The following KCNB2 variants were observed in gnomAD, a reference collection of about 807,000 sequenced individuals.
The protein encoded by KCNB2 is delayed rectifier potassium channel protein.
Under a neutral mutation model 61.5 loss-of-function variants are expected in KCNB2, and 15 were observed. The ratio of observed to expected loss-of-function variants is 0.24; its 90% confidence interval spans 0.16 to 0.38. The LOEUF (loss-of-function observed/expected upper bound fraction) is 0.38, where lower values mean the gene tolerates loss of function less well. KCNB2 is among the 10% of genes least tolerant of loss of function. The pLI, the probability that KCNB2 is intolerant of heterozygous loss-of-function variation, is 1.00. For synonymous variants in KCNB2, 457 were observed against 446.0 expected, an observed-to-expected ratio of 1.02 and a Z score of -0.31; for missense variants, 828 against 1,125.2, an observed-to-expected ratio of 0.74 and a Z score of 3.78.
intron 2 of KCNB2, among the ~76,000 whole-genome samples, chr8:72,928,262 G>A (rs184801663): frequency 2.1e-4 from 31 of 148,528 alleles, no homozygotes; most frequent in Admixed American, 1.5e-3. Context: ...ACGCAATCTC[G>A]GCTCACTGCA....
intron 2 of KCNB2, among the ~76,000 whole-genome samples, chr8:72,625,119 G>A (rs1805770233): frequency 1.3e-5 from 2 of 152,156 alleles, no homozygotes; most frequent in South Asian, 4.1e-4. Context: ...GTGAAGCCGT[G>A]TCCAGACTCC....
At chr8:72,743,855 A>C (rs1003573364) in intron 2 of KCNB2, among the ~76,000 whole-genome samples, 2 of 151,684 alleles carry the variant, frequency 1.3e-5, no homozygotes, top group African/African-American at 2.4e-5. Context: ...CCTTAGAAAA[A>C]TATGAGAAAA....
chr8:72,759,191 A>C (rs951127315), intron 2 of KCNB2, among the ~76,000 whole-genome samples: 3 of 152,158 alleles, frequency 2.0e-5, no homozygotes, highest in Non-Finnish European at 4.4e-5. Flanking sequence ...AAGGATGTGA[A>C]TCTTTTCTGT....
intron 2 of KCNB2, among the ~76,000 whole-genome samples, chr8:72,600,093 G>T (rs1051625918): frequency 2.6e-5 from 4 of 152,190 alleles, no homozygotes; most frequent in Non-Finnish European, 5.9e-5. Context: ...CCATTATGGG[G>T]TATACACCCA....
At chr8:72,643,756 G>A (rs747798669) in intron 2 of KCNB2, among the ~76,000 whole-genome samples, 1 of 152,018 alleles carries the variant, frequency 6.6e-6, no homozygotes, top group Non-Finnish European at 1.5e-5. Context: ...GAAGACTACT[G>A]GACTTATACA....
chr8:72,655,494 G>A (rs1394583231), intron 2 of KCNB2, among the ~76,000 whole-genome samples: 1 of 152,030 alleles, frequency 6.6e-6, no homozygotes, highest in Non-Finnish European at 1.5e-5. Context: ...CAGAGCAAGG[G>A]ATTCAATGTC....
intron 2 of KCNB2, among the ~76,000 whole-genome samples, chr8:72,620,051 C>T (rs1212187553): frequency 6.6e-6 from 1 of 152,120 alleles, no homozygotes; most frequent in African/African-American, 2.4e-5. Context: ...TTGCATGCTG[C>T]AATAATATTT....
rs1256083803 is a variant in KCNB2, at chr8:72,937,475, G to A, written c.2120G>A (p.Ser707Asn). Residue 707 changes from serine (S) to asparagine (N), a missense_variant, in exon 3 of 3, where the codon AGC becomes AAC. Coordinates refer to ENST00000523207, the MANE Select transcript of KCNB2 (RefSeq NM_004770.3). ...TDSPKSSLKG[S>N]NPLKSRSLKV... Reference sequence around the variant, plus strand: ...AGTCCTAAGAGCTCTCTAAAAGGCAGCAACCCACTAAAGTCCAGATCCCTC... The same window carrying A: ...AGTCCTAAGAGCTCTCTAAAAGGCAACAACCCACTAAAGTCCAGATCCCTC... 1 of 1,613,952 alleles carries A rather than the reference G, an allele frequency of 6.2e-7. No individual in the cohort carries two copies. Among genetic ancestry groups the A allele is most frequent in the Non-Finnish European group, 8.5e-7 (1 of 1,180,000 alleles).
chr8:72,765,563 C>T (rs1196558471), intron 2 of KCNB2, among the ~76,000 whole-genome samples: 3 of 152,124 alleles, frequency 2.0e-5, no homozygotes, highest in Non-Finnish European at 2.9e-5. Flanking sequence ...GTGTTGTCAG[C>T]AATTTTGAGG....
intron 2 of KCNB2, among the ~76,000 whole-genome samples, chr8:72,586,480 G>A (rs2128981014): frequency 6.6e-6 from 1 of 152,260 alleles, no homozygotes; most frequent in Non-Finnish European, 1.5e-5. Context: ...CAGAGGGGGA[G>A]AAAAGAAAAA....
chr8:72,643,291 G>A (rs1806083270), intron 2 of KCNB2, among the ~76,000 whole-genome samples: 1 of 152,172 alleles, frequency 6.6e-6, no homozygotes, highest in Non-Finnish European at 1.5e-5. Context: ...ACATCAGCAT[G>A]TGTCACTGAG....
Position 72,910,003 on chromosome 8 carries a change from C to G in KCNB2, c.580-25932C>G, listed in dbSNP as rs1006079057. ...AGCTAAGGAGAGAGATCCCAATCAT[C>G]TGTGTGACTCCTCTTGTTGGTAGTC... is the stretch of plus-strand genomic sequence containing the variant. On this transcript the variant is annotated intron_variant, in intron 2 of 2. Transcript: ENST00000523207. 2.6e-5 allele frequency among the ~76,000 whole-genome samples: 4 copies of G among 152,146 alleles called. No homozygotes were observed. In the East Asian group the frequency reaches 7.7e-4, roughly 29 times the overall value.
chr8:72,882,680 T>A (rs72653530), intron 2 of KCNB2, among the ~76,000 whole-genome samples: 7,082 of 151,562 alleles, frequency 0.047, 206 homozygotes, highest in South Asian at 0.095. Context: ...GATGATGGTC[T>A]GCTAGCAGAA....
chr8:72,884,181 A>G (rs1474032141), intron 2 of KCNB2, among the ~76,000 whole-genome samples: 2 of 152,118 alleles, frequency 1.3e-5, no homozygotes, highest in Non-Finnish European at 2.9e-5. Flanking sequence ...GAGCTTGAGC[A>G]TCTTTCCATG....
At chr8:72,700,739 T>C (rs536922851) in intron 2 of KCNB2, among the ~76,000 whole-genome samples, 1 of 152,224 alleles carries the variant, frequency 6.6e-6, no homozygotes, top group South Asian at 2.1e-4. Context: ...TTTGGGTATA[T>C]ATCTAAAAGA....
At chr8:72,587,298 C>G (rs989766640) in intron 2 of KCNB2, among the ~76,000 whole-genome samples, 23 of 152,128 alleles carry the variant, frequency 1.5e-4, no homozygotes, top group African/African-American at 5.6e-4. Flanking sequence ...GGGAGTATAG[C>G]TCTTAGCTGA....
chr8:72,596,527 G>A (rs1475658591), intron 2 of KCNB2, among the ~76,000 whole-genome samples: 1 of 152,136 alleles, frequency 6.6e-6, no homozygotes, highest in Non-Finnish European at 1.5e-5. Flanking sequence ...CACTTGACAC[G>A]TATGAAACAA....
chr8:72,913,601 G>A (rs1806339114), intron 2 of KCNB2, among the ~76,000 whole-genome samples: 1 of 152,082 alleles, frequency 6.6e-6, no homozygotes, highest in South Asian at 2.1e-4. Context: ...ATTGAACACT[G>A]GCATTCCGAG....
At chr8:72,872,531 G>A (rs986236963) in intron 2 of KCNB2, among the ~76,000 whole-genome samples, 2 of 152,194 alleles carry the variant, frequency 1.3e-5, no homozygotes, top group Non-Finnish European at 2.9e-5. Flanking sequence ...TCCCCCAGAA[G>A]GAAGCTTGTA....
Sources: allele counts gnomAD v4.1 joint callset (sites outside exome capture counted in the v4.1 genomes callset), GRCh38; gene constraint gnomAD v4.1.1; transcripts MANE v1.5; gene names NCBI Gene and HGNC (gene_info 2026-07-23, HGNC 2026-07-21).